DOCK3: variants seen among roughly 807,000 people sequenced by gnomAD.
DOCK3 encodes dedicator of cytokinesis protein 3.
A neutral mutation model predicts 265.6 loss-of-function variants in DOCK3; 60 were observed. The observed-to-expected ratio is 0.23, with a 90% confidence interval of 0.18 to 0.28. The LOEUF is 0.28. Among genes scored for constraint, DOCK3 ranks in the 10% least tolerant of loss-of-function variants. The probability of loss-of-function intolerance (pLI) is 1.00; values close to 1 mark genes in which losing one functional copy is unlikely to be tolerated. For missense variants in DOCK3, 1,981 were observed against 2,594.3 expected, an observed-to-expected ratio of 0.76 and a Z score of 5.14; for synonymous variants, 881 against 938.0, an observed-to-expected ratio of 0.94 and a Z score of 1.11.
intron 5 of DOCK3, among the ~76,000 whole-genome samples, chr3:50,995,718 T>C (rs2078255901): frequency 6.6e-6 from 1 of 152,118 alleles, no homozygotes; most frequent in South Asian, 2.1e-4. Flanking sequence ...GAAGAGAAAT[T>C]ACATCTATAA....
At chr3:50,831,903 C>G (rs1479568163) in intron 2 of DOCK3, among the ~76,000 whole-genome samples, 3 of 152,170 alleles carry the variant, frequency 2.0e-5, no homozygotes, top group Admixed American at 1.3e-4. Flanking sequence ...TGTTCCCTGA[C>G]TTTTTAATGA....
At chr3:50,728,006 A>G (rs2037940502) in intron 1 of DOCK3, among the ~76,000 whole-genome samples, 1 of 152,228 alleles carries the variant, frequency 6.6e-6, no homozygotes. Flanking sequence ...CAGAGTACAC[A>G]GTTTTCAGTT....
intron 5 of DOCK3, among the ~76,000 whole-genome samples, chr3:50,952,370 T>C (rs1007338118): frequency 3.3e-5 from 5 of 152,138 alleles, no homozygotes; most frequent in Non-Finnish European, 7.4e-5. Flanking sequence ...TAATCTGTTT[T>C]TTCACCAAAA....
At chr3:50,823,600 C>T (rs1237238652) in intron 2 of DOCK3, among the ~76,000 whole-genome samples, 1 of 152,260 alleles carries the variant, frequency 6.6e-6, no homozygotes, top group Non-Finnish European at 1.5e-5. Flanking sequence ...TCCTATTTCT[C>T]AATCTTTTCC....
intron 5 of DOCK3, among the ~76,000 whole-genome samples, chr3:51,038,670 G>C (rs952953408): frequency 2.0e-5 from 3 of 152,122 alleles, no homozygotes; most frequent in African/African-American, 7.2e-5. Flanking sequence ...ATATTGTTTT[G>C]TTTTGTTCAT....
chr3:51,320,971 C>G (rs908644384), intron 32 of DOCK3, among the ~76,000 whole-genome samples: 1 of 152,224 alleles, frequency 6.6e-6, no homozygotes, highest in Non-Finnish European at 1.5e-5. Context: ...AGTGTTTGAG[C>G]TCTGCTAAGG....
intron 1 of DOCK3, among the ~76,000 whole-genome samples, chr3:50,771,592 C>G (rs965798090): frequency 1.3e-5 from 2 of 152,176 alleles, no homozygotes; most frequent in African/African-American, 4.8e-5. Flanking sequence ...TGGCTCACAC[C>G]TGTAATCCTA....
At chr3:51,073,274 T>C (rs1575973786) in intron 6 of DOCK3, among the ~76,000 whole-genome samples, 1 of 152,048 alleles carries the variant, frequency 6.6e-6, no homozygotes, top group Non-Finnish European at 1.5e-5. Flanking sequence ...CATATCTCTA[T>C]AAAAGTATTT....
chr3:50,915,994 C>T (rs771446400), intron 4 of DOCK3, among the ~76,000 whole-genome samples: 2 of 151,906 alleles, frequency 1.3e-5, no homozygotes, highest in Non-Finnish European at 1.5e-5. Context: ...TCAGCCACAG[C>T]GATGAAGGAA....
intron 28 of DOCK3, 97 bp from the exon 29 acceptor site, chr3:51,311,907 A>C: frequency 1.2e-6 from 1 of 814,124 alleles, no homozygotes. Flanking sequence ...AATTGTACTC[A>C]AGAAGTTTGC....
chr3:51,193,387 G>A (rs1174908170), intron 12 of DOCK3, among the ~76,000 whole-genome samples: 1 of 152,154 alleles, frequency 6.6e-6, no homozygotes, highest in Non-Finnish European at 1.5e-5. Flanking sequence ...CGTTGTTGTT[G>A]TTGTGTTCTT....
intron 1 of DOCK3, among the ~76,000 whole-genome samples, chr3:50,729,663 C>T (rs1288215425): frequency 1.3e-5 from 2 of 151,668 alleles, no homozygotes; most frequent in Non-Finnish European, 2.9e-5. Flanking sequence ...TCCCCAGTAG[C>T]TAGGACACAC....
chr3:51,319,291 C>T (rs1239434602), intron 32 of DOCK3, among the ~76,000 whole-genome samples: 1 of 151,842 alleles, frequency 6.6e-6, no homozygotes. Context: ...GCTCTAATGC[C>T]TCCAGGTCTT....
chr3:51,144,130 G>A (rs1340214838), intron 9 of DOCK3, among the ~76,000 whole-genome samples: 1 of 152,034 alleles, frequency 6.6e-6, no homozygotes, highest in Non-Finnish European at 1.5e-5. Flanking sequence ...ACCTTTATTT[G>A]AAATTAATTG....
intron 5 of DOCK3, among the ~76,000 whole-genome samples, chr3:50,942,737 A>AT (rs35478621): frequency 0.17 from 25,339 of 151,114 alleles, 2,519 homozygotes; most frequent in South Asian, 0.37. Flanking sequence ...AGGAGAAGCA[A>AT]TTTTTTTTTG....
chr3:51,100,120 A>C (rs909069391), intron 9 of DOCK3, among the ~76,000 whole-genome samples: 1 of 152,186 alleles, frequency 6.6e-6, no homozygotes, highest in Non-Finnish European at 1.5e-5. Flanking sequence ...CTATCTTCTA[A>C]AGGTAAAGCT....
At chr3:50,930,129 AACAC>A (rs1237340153) in intron 4 of DOCK3, among the ~76,000 whole-genome samples, 459 of 152,346 alleles carry the variant, frequency 3.0e-3, no homozygotes, top group African/African-American at 0.011. Context: ...TTAAAATAGG[AACAC>A]TCTAAGTTTT....
intron 1 of DOCK3, among the ~76,000 whole-genome samples, chr3:50,695,137 A>G (rs1054521979): frequency 1.5e-4 from 23 of 152,236 alleles, no homozygotes; most frequent in African/African-American, 5.1e-4. Context: ...GGGAGCCCCC[A>G]ATCACATGCA....
intron 9 of DOCK3, among the ~76,000 whole-genome samples, chr3:51,101,311 A>G (rs924876902): frequency 1.3e-5 from 2 of 151,938 alleles, no homozygotes; most frequent in South Asian, 4.2e-4. Flanking sequence ...TAGTAGAGAC[A>G]GGGTTTCACC....
Sources: gnomAD v4.1 joint callset for allele counts (sites outside exome capture counted in the v4.1 genomes callset) on GRCh38, gnomAD v4.1.1 for gene constraint, MANE v1.5 for transcripts, NCBI Gene and HGNC (gene_info 2026-07-23, HGNC 2026-07-21) for gene names.